The following PHTF2 variants were observed in gnomAD, a reference collection of about 807,000 sequenced individuals.
PHTF2 encodes the protein putative homeodomain transcription factor 2, also known as protein PHTF2.
Under a neutral mutation model 101.2 loss-of-function variants are expected in PHTF2, and 60 were observed. The ratio of observed to expected loss-of-function variants is 0.59; its 90% confidence interval spans 0.48 to 0.73. PHTF2 has a LOEUF of 0.73. Ranked by LOEUF, PHTF2 falls within the 30% of genes least tolerant of loss-of-function variation. The pLI is 0.00. For missense variants in PHTF2, 747 were observed against 908.7 expected (o/e 0.82, Z 2.29); for synonymous variants, 311 against 307.3 (o/e 1.01, Z -0.13).
chr7:77,862,547 C>CACAG (rs1797731642), intron 3 of PHTF2, among the ~76,000 whole-genome samples: 1 of 152,154 alleles, frequency 6.6e-6, no homozygotes, highest in Admixed American at 6.5e-5. Context: ...TAGTAGTTTA[C>CACAG]ACAGGTATGA....
intron 1 of PHTF2, among the ~76,000 whole-genome samples, chr7:77,820,773 A>C (rs1334103095): frequency 6.6e-6 from 1 of 152,174 alleles, no homozygotes; most frequent in African/African-American, 2.4e-5. Context: ...CAAGGTGATT[A>C]TTGATAAGTG....
chr7:77,871,694 C>T (rs1372002245), intron 3 of PHTF2, among the ~76,000 whole-genome samples: 1 of 152,114 alleles, frequency 6.6e-6, no homozygotes, highest in African/African-American at 2.4e-5. Context: ...ACCTAGTTGC[C>T]GTTGTAATTG....
chr7:77,890,904 CTTTTTTTT>C (rs11442975), intron 3 of PHTF2, among the ~76,000 whole-genome samples: 1,666 of 92,956 alleles, frequency 0.018, 14 homozygotes, highest in Middle Eastern at 0.06. Context: ...CGCACCCGGC[CTTTTTTTT>C]TTTTTTTTTT....
At chr7:77,929,426 T>G (rs948877156) in intron 12 of PHTF2, 99 bp downstream of exon 11, 89 of 632,790 alleles carry the variant, frequency 1.4e-4, no homozygotes, top group African/African-American at 1.3e-3. Flanking sequence ...ACATTCAAGC[T>G]TATATTTCTA....
exon 11 of PHTF2, chr7:77,922,687 G>A: frequency 1.2e-6 from 2 of 1,610,550 alleles, no homozygotes; most frequent in South Asian, 1.1e-5. Flanking sequence ...CCTGAAACAG[G>A]ATACTCATTA....
At chr7:77,931,040 A>T (rs1196920491) in intron 12 of PHTF2, among the ~76,000 whole-genome samples, 2 of 152,240 alleles carry the variant, frequency 1.3e-5, no homozygotes, top group African/African-American at 2.4e-5. Context: ...TCACTAATAC[A>T]TGACAATAAG....
At chr7:77,876,340 G>A (rs2471580) in intron 3 of PHTF2, among the ~76,000 whole-genome samples, 3,267 of 152,164 alleles carry the variant, frequency 0.021, 113 homozygotes, top group African/African-American at 0.074. Flanking sequence ...TAGAAGTCTT[G>A]TACATTTACT....
chr7:77,946,164 C>T (rs1342637406), intron 16 of PHTF2, among the ~76,000 whole-genome samples: 1 of 152,100 alleles, frequency 6.6e-6, no homozygotes, highest in African/African-American at 2.4e-5. Flanking sequence ...TTAGAAAATC[C>T]ATTAATGCAA....
intron 1 of PHTF2, among the ~76,000 whole-genome samples, chr7:77,837,475 GT>G (rs1240716493): frequency 6.6e-6 from 1 of 152,132 alleles, no homozygotes; most frequent in Non-Finnish European, 1.5e-5. Context: ...TGTAAAACCT[GT>G]TTTAAAAATA....
intron 9 of PHTF2, among the ~76,000 whole-genome samples, chr7:77,912,450 A>G (rs1416613941): frequency 6.6e-6 from 1 of 152,170 alleles, no homozygotes; most frequent in Non-Finnish European, 1.5e-5. Context: ...TAAACTAAGC[A>G]CTTATCAACT....
At chr7:77,802,102 G>C (rs570056481) in intron 1 of PHTF2, among the ~76,000 whole-genome samples, 1 of 152,200 alleles carries the variant, frequency 6.6e-6, no homozygotes, top group Non-Finnish European at 1.5e-5. Context: ...TTTGTAGGTG[G>C]AGAAAGAGGG....
At chr7:77,930,306 T>C (rs1247067309) in intron 12 of PHTF2, among the ~76,000 whole-genome samples, 2 of 152,146 alleles carry the variant, frequency 1.3e-5, no homozygotes, top group Admixed American at 6.5e-5. Flanking sequence ...GGGTACTATA[T>C]TGGACAGCAC....
At chr7:77,849,825 T>C (rs1206471359) in intron 2 of PHTF2, among the ~76,000 whole-genome samples, 2 of 152,248 alleles carry the variant, frequency 1.3e-5, no homozygotes, top group Non-Finnish European at 2.9e-5. Flanking sequence ...TGTTGGCATA[T>C]AGAAATGCTA....
intron 3 of PHTF2, among the ~76,000 whole-genome samples, chr7:77,869,926 T>C (rs1271911447): frequency 6.6e-6 from 1 of 152,196 alleles, no homozygotes; most frequent in East Asian, 1.9e-4. Flanking sequence ...TACCCATATA[T>C]TTGAATTGGA....
exon 20 of PHTF2, chr7:77,956,132 G>A (rs1163072462): frequency 6.6e-6 from 1 of 152,482 alleles, no homozygotes; most frequent in Non-Finnish European, 1.5e-5. Context: ...GAAATTACAT[G>A]AAACATGAAA....
chr7:77,841,868 A>G (rs370250261), intron 2 of PHTF2, among the ~76,000 whole-genome samples: 4 of 152,190 alleles, frequency 2.6e-5, no homozygotes, highest in South Asian at 4.1e-4. Flanking sequence ...TTTCCTGTCT[A>G]TATCTTTGAA....
intron 3 of PHTF2, among the ~76,000 whole-genome samples, chr7:77,887,966 C>T (rs1800017833): frequency 6.6e-6 from 1 of 152,280 alleles, no homozygotes; most frequent in East Asian, 1.9e-4. Context: ...CATGATGGAA[C>T]AATGTTTTTC....
intron 12 of PHTF2, among the ~76,000 whole-genome samples, chr7:77,932,646 G>GTGTGTGTGTGTT (rs1804718060): frequency 6.6e-6 from 1 of 151,432 alleles, no homozygotes. Flanking sequence ...GTGTGTGTGT[G>GTGTGTGTGTGTT]TGTGTGTGTG....
At chr7:77,898,537 TTATA>T (rs1257420638) in intron 5 of PHTF2, among the ~76,000 whole-genome samples, 5 of 152,138 alleles carry the variant, frequency 3.3e-5, no homozygotes, top group Non-Finnish European at 5.9e-5. Context: ...ATCAGCCGCT[TTATA>T]GTGACATTAA....
Sources: gnomAD v4.1 joint callset for allele counts (sites outside exome capture counted in the v4.1 genomes callset) on GRCh38, gnomAD v4.1.1 for gene constraint, MANE v1.5 for transcripts, NCBI Gene and HGNC (gene_info 2026-07-23, HGNC 2026-07-21) for gene names.